The following BMX variants were observed in gnomAD, a reference collection of about 807,000 sequenced individuals.
BMX encodes the protein BMX non-receptor tyrosine kinase.
Under a neutral mutation model 59.2 loss-of-function variants are expected in BMX, and 31 were observed. The observed-to-expected ratio is 0.52, with a 90% CI of 0.39 to 0.71. BMX has a LOEUF of 0.71. Ranked by LOEUF, BMX falls within the 30% of genes least tolerant of loss-of-function variation. The pLI is 0.00. For missense variants in BMX, 474 were observed against 491.7 expected, an observed-to-expected ratio of 0.96 and a Z score of 0.34; for synonymous variants, 185 against 181.0, an observed-to-expected ratio of 1.02 and a Z score of -0.18.
intron 18 of BMX, 69 bp downstream of exon 18, chrX:15,550,066 T>A (rs761969384): frequency 8.5e-5 from 94 of 1,109,212 alleles, no homozygotes; most frequent in Non-Finnish European, 1.1e-4. Context: ...GCATCACCAC[T>A]GGGACAAAGC....
chrX:15,536,543 T>C (rs1925358321), intron 13 of BMX, 116 bp downstream of exon 13: 1 of 568,762 alleles, frequency 1.8e-6, no homozygotes, highest in Non-Finnish European at 2.6e-6. Flanking sequence ...AGGAGGCCTC[T>C]GTTCAGATTG....
chrX:15,546,330 T>C (rs1034031562), intron 16 of BMX, among the ~76,000 whole-genome samples: 1 of 111,633 alleles, frequency 9.0e-6, no homozygotes, highest in Admixed American at 9.5e-5. Flanking sequence ...TAAGAGGGAA[T>C]GGTATTCAGC....
chrX:15,536,906 G>A (rs750168033), intron 13 of BMX, among the ~76,000 whole-genome samples: 8 of 111,187 alleles, frequency 7.2e-5, no homozygotes, highest in Non-Finnish European at 1.1e-4. Context: ...GAGCCTTCTT[G>A]TTAAATAACT....
At chrX:15,538,747 T>C (rs1925505050) in intron 14 of BMX, among the ~76,000 whole-genome samples, 1 of 111,878 alleles carries the variant, frequency 8.9e-6, no homozygotes, top group Admixed American at 9.5e-5. Flanking sequence ...ATTTCTTTAG[T>C]TATTCTTTTA....
chrX:15,553,450 C>A (rs1340659277), intron 18 of BMX, among the ~76,000 whole-genome samples: 1 of 111,566 alleles, frequency 9.0e-6, no homozygotes, highest in African/African-American at 3.3e-5. Context: ...GGAAGGGATT[C>A]TGTTTATTCA....
chrX:15,539,511 T>C (rs966469222), intron 14 of BMX, among the ~76,000 whole-genome samples: 3 of 111,516 alleles, frequency 2.7e-5, no homozygotes, highest in Non-Finnish European at 5.7e-5. Flanking sequence ...GGGAGCAGTG[T>C]TGAGTACCAT....
At chrX:15,504,207 AT>A (rs1208097626) in intron 1 of BMX, among the ~76,000 whole-genome samples, 1 of 111,766 alleles carries the variant, frequency 8.9e-6, no homozygotes, top group Non-Finnish European at 1.9e-5. Context: ...TAGCACCTAC[AT>A]TTTTTTCCCC....
chrX:15,502,419 G>A (rs7060497), intron 1 of BMX, among the ~76,000 whole-genome samples: 6,207 of 111,746 alleles, frequency 0.056, 420 homozygotes, highest in African/African-American at 0.19. Flanking sequence ...ACTTAGAAAA[G>A]CTCTATGGGG....
At chrX:15,525,505 C>G (rs1478255365) in intron 8 of BMX, 140 bp downstream of exon 8, 2 of 557,058 alleles carry the variant, frequency 3.6e-6, no homozygotes, top group Non-Finnish European at 5.8e-6. Flanking sequence ...GTTTGCCTCT[C>G]TGAACCCTGA....
intron 1 of BMX, 126 bp from the exon 2 acceptor site, chrX:15,508,219 T>C (rs1193458934): frequency 1.3e-5 from 5 of 392,611 alleles, no homozygotes; most frequent in African/African-American, 2.6e-5. Flanking sequence ...CCTACATCAG[T>C]CTCATTTATT....
intron 1 of BMX, among the ~76,000 whole-genome samples, chrX:15,501,534 A>G (rs755923618): frequency 5.4e-5 from 6 of 112,141 alleles, no homozygotes; most frequent in African/African-American, 1.9e-4. Flanking sequence ...GGCCACAATG[A>G]TTTCATTGGA....
At chrX:15,500,968 A>C (rs41297297) in intron 1 of BMX, 28 bp downstream of exon 1, 112 of 752,643 alleles carry the variant, frequency 1.5e-4, no homozygotes, top group Non-Finnish European at 1.6e-4. Flanking sequence ...GTGGCTACTC[A>C]GTGTCGCATA....
At chrX:15,544,276 C>T (rs1355354947) in intron 16 of BMX, among the ~76,000 whole-genome samples, 4 of 110,551 alleles carry the variant, frequency 3.6e-5, no homozygotes, top group Non-Finnish European at 7.6e-5. Flanking sequence ...ACCGTGGAAG[C>T]TATGGTAATT....
chrX:15,551,280 G>T (rs1377198646), intron 18 of BMX, among the ~76,000 whole-genome samples: 1 of 111,549 alleles, frequency 9.0e-6, no homozygotes, highest in Admixed American at 9.6e-5. Flanking sequence ...ACTAGTAAAA[G>T]GCAAATTGGT....
At chrX:15,535,777 C>A (rs890931620) in intron 12 of BMX, among the ~76,000 whole-genome samples, 1 of 108,583 alleles carries the variant, frequency 9.2e-6, no homozygotes, top group Non-Finnish European at 1.9e-5. Flanking sequence ...ATAGATAGGT[C>A]CCTTGACTTG....
chrX:15,550,056 G>A, intron 18 of BMX, 59 bp downstream of exon 18: 1 of 1,132,941 alleles, frequency 8.8e-7, no homozygotes. Context: ...GGTGATTACT[G>A]CATCACCACT....
chrX:15,531,701 G>A (rs1324447090), intron 11 of BMX, among the ~76,000 whole-genome samples: 1 of 110,890 alleles, frequency 9.0e-6, no homozygotes, highest in African/African-American at 3.3e-5. Context: ...TTTATTAAGA[G>A]ACTCTCGGGT....
intron 9 of BMX, among the ~76,000 whole-genome samples, chrX:15,527,021 C>G (rs1924773412): frequency 9.4e-6 from 1 of 106,668 alleles, no homozygotes; most frequent in Non-Finnish European, 1.9e-5. Flanking sequence ...GTTTGTAACT[C>G]AAAGGATAAA....
intron 16 of BMX, among the ~76,000 whole-genome samples, 180 bp from the exon 17 acceptor site, chrX:15,546,623 G>C (rs931372638): frequency 9.0e-6 from 1 of 111,429 alleles, no homozygotes; most frequent in African/African-American, 3.3e-5. Context: ...TATTCAGTTA[G>C]ATATTATCTT....
Sources: gnomAD v4.1 joint callset for allele counts (sites outside exome capture counted in the v4.1 genomes callset) on GRCh38, gnomAD v4.1.1 for gene constraint, MANE v1.5 for transcripts, NCBI Gene and HGNC (gene_info 2026-07-23, HGNC 2026-07-21) for gene names.